FGD5: variants seen among roughly 807,000 people sequenced by gnomAD.
The protein encoded by FGD5 is FYVE, RhoGEF and PH domain containing 5.
FGD5 carries 28 observed loss-of-function variants against 133.4 expected under a neutral mutation model. The ratio of observed to expected loss-of-function variants is 0.21; its 90% confidence interval spans 0.16 to 0.29. The LOEUF (loss-of-function observed/expected upper bound fraction) is 0.29, where lower values mean the gene tolerates loss of function less well. FGD5 is among the 10% of genes least tolerant of loss of function. The probability of loss-of-function intolerance (pLI) is 1.00; values close to 1 mark genes in which losing one functional copy is unlikely to be tolerated. For synonymous variants in FGD5, 810 were observed against 776.5 expected (o/e 1.04, Z -0.72); for missense variants, 1,858 against 1,895.2 (o/e 0.98, Z 0.36).
At chr3:14,910,368 C>T in intron 10 of FGD5, among the ~76,000 whole-genome samples, 1 of 152,158 alleles carries the variant, frequency 6.6e-6, no homozygotes, top group East Asian at 1.9e-4. Context: ...AATAATTCCA[C>T]CTAACATAAT....
intron 2 of FGD5, 140 bp downstream of exon 2, chr3:14,864,400 C>T (rs1363489915): frequency 1.3e-5 from 17 of 1,351,976 alleles, no homozygotes; most frequent in Admixed American, 5.9e-5. Flanking sequence ...GGCTGAGACA[C>T]GCAGCATCAG....
intron 4 of FGD5, among the ~76,000 whole-genome samples, chr3:14,891,812 G>A (rs545692993): frequency 2.6e-5 from 4 of 152,322 alleles, no homozygotes; most frequent in East Asian, 1.9e-4. Flanking sequence ...GGCACAGTGC[G>A]AGGGGGTCTC....
intron 1 of FGD5, among the ~76,000 whole-genome samples, chr3:14,811,089 C>T (rs990785759): frequency 3.9e-5 from 6 of 151,956 alleles, no homozygotes; most frequent in African/African-American, 9.7e-5. Context: ...CAGGGACCTT[C>T]TCAGCCTTGG....
chr3:14,923,710 C>G (rs2125157868), intron 16 of FGD5, among the ~76,000 whole-genome samples: 1 of 152,290 alleles, frequency 6.6e-6, no homozygotes. Flanking sequence ...TAAAGTCTTT[C>G]CCTGGCCTCC....
chr3:14,933,692 A>G lies in FGD5; in HGVS notation c.*525A>G, dbSNP rs538612545. ...TTTTCTAAGTGATTTACTTAAGTCA[A>G]TAACAGATGGAATCCTGTGGACTAA... On this transcript the variant is annotated 3_prime_UTR_variant, in exon 20 of 20. Transcript: ENST00000285046. 12 of 160,228 alleles carry G rather than the reference A, an allele frequency of 7.5e-5. No individual in the cohort carries two copies. The highest frequency in any genetic ancestry group is 2.4e-4 in the African/African-American group (10 of 41,618). 9.9% of individuals were successfully genotyped at this position (160,228 alleles called of 1,614,324 possible). A position where few individuals can be genotyped will look rare whatever the true frequency, so the allele number is the denominator to read the frequency against.
chr3:14,873,168 C>A (rs1005343163), intron 2 of FGD5, among the ~76,000 whole-genome samples: 2 of 152,180 alleles, frequency 1.3e-5, no homozygotes, highest in Admixed American at 1.3e-4. Flanking sequence ...GTGTGTCCAA[C>A]CTCCCATCAC....
rs746000953 is a variant in FGD5, at chr3:14,898,021, G to C, written c.2992G>C (p.Asp998His). Residue 998 changes from aspartate (D) to histidine (H), a missense_variant, in exon 6 of 20, where the codon GAC becomes CAC. By Grantham distance (81) the Asp-to-His change is moderately conservative. Around this residue, in one of 3 missense-constraint regions of FGD5, gnomAD observed 1,824 missense variants for 1,848.9 expected, o/e 0.99. Coordinates refer to ENST00000285046, the MANE Select transcript of FGD5 (RefSeq NM_152536.4). ...DHHATHILQF[D>H]RYLGLLSENC... ...CCACGCCACTCACATCCTGCAGTTC[G>C]ACAGGTACCTAGGTCTGCTCAGTGA... is the stretch of plus-strand genomic sequence containing the variant. The C allele has an allele frequency of 6.2e-7, 1 of 1,613,872 alleles. No homozygotes were observed. Among genetic ancestry groups the C allele is most frequent in the Non-Finnish European group, 8.5e-7 (1 of 1,179,900 alleles).
intron 1 of FGD5, among the ~76,000 whole-genome samples, chr3:14,863,270 G>A (rs1457458030): frequency 6.6e-6 from 1 of 152,258 alleles, no homozygotes; most frequent in South Asian, 2.1e-4. Flanking sequence ...GGGAGCCACT[G>A]AAGGTTTTTG....
At chr3:14,853,814 C>G (rs1439746168) in intron 1 of FGD5, among the ~76,000 whole-genome samples, 1 of 146,792 alleles carries the variant, frequency 6.8e-6, no homozygotes, top group African/African-American at 2.5e-5. Context: ...TATCCTCTTA[C>G]AACTCTAGGC....
At chr3:14,926,727 G>A (rs1028208980) in intron 18 of FGD5, among the ~76,000 whole-genome samples, 5 of 152,226 alleles carry the variant, frequency 3.3e-5, no homozygotes, top group South Asian at 2.1e-4. Context: ...GTAGACAGAT[G>A]TGTGGCCATG....
At chr3:14,878,278 G>GA (rs149807352) in intron 2 of FGD5, among the ~76,000 whole-genome samples, 2,513 of 152,274 alleles carry the variant, frequency 0.017, 72 homozygotes, top group African/African-American at 0.054. Context: ...GTCATACCAT[G>GA]AAACAGTGCT....
chr3:14,923,132 G>A lies in FGD5; in HGVS notation c.3894G>A (p.Gly1298=). Residue 1298 remains glycine, a synonymous_variant, in exon 16 of 20, where the codon GGG becomes GGA. Coordinates refer to ENST00000285046, the MANE Select transcript of FGD5 (RefSeq NM_152536.4). Reference sequence around the variant, plus strand: ...CCAAGGTCTGCGACGGCTGCTTCGGGGAGCTGAAGAAGCGGGGCAGGGCTG... The same window carrying A: ...CCAAGGTCTGCGACGGCTGCTTCGGAGAGCTGAAGAAGCGGGGCAGGGCTG... ...RMAKVCDGCF[G]ELKKRGRAVP... The A allele has an allele frequency of 2.5e-6, 4 of 1,613,780 alleles. No individual in the cohort carries two copies. Among genetic ancestry groups the A allele is most frequent in the Non-Finnish European group, 3.4e-6 (4 of 1,179,852 alleles).
chr3:14,827,624 C>T (rs2036626168), intron 1 of FGD5, among the ~76,000 whole-genome samples: 1 of 152,122 alleles, frequency 6.6e-6, no homozygotes, highest in South Asian at 2.1e-4. Flanking sequence ...TGAAAGGACA[C>T]CTTTCTTTTC....
At chr3:14,863,668 A>G (rs540287622) in intron 1 of FGD5, among the ~76,000 whole-genome samples, 3 of 152,300 alleles carry the variant, frequency 2.0e-5, no homozygotes, top group Non-Finnish European at 2.9e-5. Context: ...CTTGTCTGCA[A>G]TCTAGCCGAT....
At chr3:14,886,850 AT>A (rs1404508774) in intron 4 of FGD5, among the ~76,000 whole-genome samples, 1 of 152,012 alleles carries the variant, frequency 6.6e-6, no homozygotes. Flanking sequence ...CCTGCTGCTG[AT>A]TTCTAATTTA....
At chr3:14,842,579 C>G (rs1265723056) in intron 1 of FGD5, among the ~76,000 whole-genome samples, 1 of 152,204 alleles carries the variant, frequency 6.6e-6, no homozygotes, top group African/African-American at 2.4e-5. Flanking sequence ...ATGTTCAGGT[C>G]CTCCCCAGGG....
At chr3:14,909,103 G>A (rs2038398551) in intron 10 of FGD5, among the ~76,000 whole-genome samples, 1 of 151,632 alleles carries the variant, frequency 6.6e-6, no homozygotes, top group Non-Finnish European at 1.5e-5. Context: ...CGAATAGCTG[G>A]GATTACAGGC....
intron 13 of FGD5, among the ~76,000 whole-genome samples, chr3:14,919,093 A>G (rs183334794): frequency 7.2e-4 from 109 of 152,304 alleles, no homozygotes; most frequent in African/African-American, 2.2e-3. Flanking sequence ...CCATGGCTTA[A>G]ATATGGCAAT....
At chr3:14,882,305 A>G (rs767881101) in intron 4 of FGD5, 568 of 985,278 alleles carry the variant, frequency 5.8e-4, no homozygotes, top group Non-Finnish European at 6.6e-4. Flanking sequence ...GGAAACTTGC[A>G]TCTATGTTTG....
Sources: gnomAD v4.1 joint callset for allele counts (sites outside exome capture counted in the v4.1 genomes callset) on GRCh38, gnomAD v4.1.1 for gene constraint, gnomAD v4.1.1 regional missense constraint, MANE v1.5 for transcripts, NCBI Gene and HGNC (gene_info 2026-07-23, HGNC 2026-07-21) for gene names.